SLC25A36: variants seen among roughly 807,000 people sequenced by gnomAD.
The protein encoded by SLC25A36 is solute carrier family 25 member 36, also known as epididymis secretory sperm binding protein.
Under a neutral mutation model 35.3 loss-of-function variants are expected in SLC25A36, and 24 were observed. That is an observed-to-expected ratio of 0.68 (90% CI 0.49 to 0.96). The LOEUF is 0.96. SLC25A36 is among the 40% of genes least tolerant of loss of function. The pLI is 0.00. For missense variants in SLC25A36, 294 were observed against 381.1 expected (o/e 0.77, Z 1.90); for synonymous variants, 141 against 132.2 (o/e 1.07, Z -0.46).
intron 3 of SLC25A36, among the ~76,000 whole-genome samples, chr3:140,960,419 G>A (rs903254054): frequency 3.9e-5 from 6 of 152,112 alleles, no homozygotes; most frequent in African/African-American, 1.2e-4. Context: ...CCTGCTGTGC[G>A]CTCCACCTGA....
chr3:140,950,365 G>C (rs562790376), intron 1 of SLC25A36, among the ~76,000 whole-genome samples: 1 of 149,904 alleles, frequency 6.7e-6, no homozygotes, highest in Non-Finnish European at 1.5e-5. Flanking sequence ...GTGTTCATCT[G>C]TCAGTCTTTT....
At chr3:140,958,926 A>T (rs1244772797) in intron 2 of SLC25A36, among the ~76,000 whole-genome samples, 1 of 150,060 alleles carries the variant, frequency 6.7e-6, no homozygotes, top group Non-Finnish European at 1.5e-5. Context: ...ATCAGTCTTC[A>T]ACAATTTATG....
chr3:140,952,124 C>T (rs1024626090), intron 1 of SLC25A36, among the ~76,000 whole-genome samples: 1 of 151,394 alleles, frequency 6.6e-6, no homozygotes, highest in African/African-American at 2.4e-5. Flanking sequence ...TGAAGCGATT[C>T]TACTGCCTCA....
rs573014396 is a variant in SLC25A36, at chr3:140,973,551, A to T, written c.453-165A>T. 2.4e-5 allele frequency: 13 copies of T among 544,830 alleles called. No individual in the cohort carries two copies. In the South Asian group the frequency reaches 7.5e-4, roughly 32 times the overall value. The allele number at this position is 544,830 out of a possible 1,614,324, so 33.7% of individuals were successfully genotyped here. On this transcript the variant is annotated intron_variant, in intron 5 of 6. Transcript: ENST00000324194. Reference sequence around the variant, plus strand: ...ACATATCACCCATTTAATATGACAAATTTGGGACAAAAGAATAGGAAATCT... The same window carrying T: ...ACATATCACCCATTTAATATGACAATTTTGGGACAAAAGAATAGGAAATCT...
Position 140,956,648 on chromosome 3 carries a change from A to G in SLC25A36, c.163A>G (p.Ser55Gly), listed in dbSNP as rs752311707. The change falls in exon 2 of 7, where the codon AGT (serine) becomes GGT (glycine). Residue 55 changes from serine to glycine, a missense_variant. Transcript: ENST00000324194. ...EVQLNTMAGA[S>G]VNRVVSPGPL... The stretch of plus-strand genomic sequence containing the variant: ...TCAGCTGAACACCATGGCTGGAGCC[A>G]GTGTCAACCGAGTAGTGTCTCCCGG... The G allele has an allele frequency of 1.9e-6, 3 of 1,613,988 alleles. No homozygotes were observed. Among genetic ancestry groups the G allele is most frequent in the East Asian group, 2.2e-5 (1 of 44,884 alleles).
In SLC25A36 at chr3:140,970,952, C is replaced by A; in HGVS notation, c.411C>A (p.Asn137Lys). ...MAGFTAITAT[N>K]PIWLIKTRLQ... ...GTTTTACTGCAATCACAGCAACCAA[C>A]CCCATTTGGCTTATAAAGACTCGGT... is the stretch of plus-strand genomic sequence containing the variant. The change falls in exon 5 of 7, where the codon AAC becomes AAA. Residue 137 changes from asparagine to lysine, a missense_variant. By Grantham distance (94) the Asn-to-Lys change is moderately conservative (BLOSUM62 0). Coordinates refer to ENST00000324194, the MANE Select transcript of SLC25A36 (RefSeq NM_001104647.3). 1 of 1,529,556 alleles carries A rather than the reference C, an allele frequency of 6.5e-7. No individual in the cohort carries two copies. The highest frequency in any genetic ancestry group is 9.1e-7 in the Non-Finnish European group (1 of 1,104,246). 94.7% of individuals were successfully genotyped at this position (1,529,556 alleles called of 1,614,324 possible).
intron 2 of SLC25A36, among the ~76,000 whole-genome samples, chr3:140,958,721 TA>T (rs1033328341): frequency 2.0e-5 from 3 of 152,162 alleles, no homozygotes; most frequent in African/African-American, 7.2e-5. Flanking sequence ...ACCTGAAAAC[TA>T]GGAAGGAACT....
intron 3 of SLC25A36, among the ~76,000 whole-genome samples, chr3:140,960,079 A>T (rs566250073): frequency 6.6e-6 from 1 of 152,290 alleles, no homozygotes; most frequent in Admixed American, 6.5e-5. Flanking sequence ...GAGATATAAA[A>T]TTACTAATAT....
intron 4 of SLC25A36, chr3:140,968,808 C>A: frequency 1.6e-6 from 1 of 621,168 alleles, no homozygotes; most frequent in Non-Finnish European, 2.0e-6. Context: ...ATCTTCTTTT[C>A]AAATAAGTAT....
At chr3:140,955,395 C>T (rs1934453745) in intron 1 of SLC25A36, among the ~76,000 whole-genome samples, 2 of 152,076 alleles carry the variant, frequency 1.3e-5, no homozygotes, top group African/African-American at 4.8e-5. Flanking sequence ...GCACTAAGAG[C>T]TTTTCTGAGT....
chr3:140,978,005 T>C lies in SLC25A36; in HGVS notation c.*1552T>C, dbSNP rs921281018. 2.0e-5 allele frequency: 3 copies of C among 151,952 alleles called. No homozygotes were observed. Among genetic ancestry groups the C allele is most frequent in the Admixed American group, 6.6e-5 (1 of 15,258 alleles). The allele number at this position is 151,952 out of a possible 1,614,324, so 9.4% of individuals were successfully genotyped here. A position where few individuals can be genotyped will look rare whatever the true frequency, so the allele number is the denominator to read the frequency against. On this transcript the variant is annotated 3_prime_UTR_variant, in exon 7 of 7. Transcript: ENST00000324194. The stretch of plus-strand genomic sequence containing the variant: ...ATAACATTTTTCTGGGTTTTAAATA[T>C]GTTGTTTCGGATATCCTTAATATAA...
chr3:140,961,850 C>T (rs1044067379), intron 3 of SLC25A36, among the ~76,000 whole-genome samples: 13 of 99,028 alleles, frequency 1.3e-4, no homozygotes, highest in South Asian at 3.8e-4. Context: ...AGCGAGGCTC[C>T]GTCTCAAAAA....
rs1934010303 is a variant in SLC25A36 at position 140,941,938 on chromosome 3, T to C, written c.-117T>C. ...TTTCTGCAGCCGCATCTCGGCCAGCTCTCCTCGCCGTCCCCGGGGCGCTGT... is the reference window on the plus strand; with the variant it reads ...TTTCTGCAGCCGCATCTCGGCCAGCCCTCCTCGCCGTCCCCGGGGCGCTGT... On this transcript the variant is annotated 5_prime_UTR_variant, in exon 1 of 7. Coordinates refer to ENST00000324194, the MANE Select transcript of SLC25A36 (RefSeq NM_001104647.3). The C allele has an allele frequency of 3.3e-6, 2 of 605,558 alleles. No homozygotes were observed. The highest frequency in any genetic ancestry group is 2.2e-5 in the South Asian group (1 of 45,404). 37.5% of individuals were successfully genotyped at this position (605,558 alleles called of 1,614,324 possible). A position where few individuals can be genotyped will look rare whatever the true frequency, so the allele number is the denominator to read the frequency against.
At chr3:140,974,089 C>A in intron 6 of SLC25A36, 84 bp downstream of exon 6, 2 of 905,702 alleles carry the variant, frequency 2.2e-6, no homozygotes, top group Non-Finnish European at 3.3e-6. Flanking sequence ...AATTTTACTG[C>A]ATTCTGGTAT....
chr3:140,946,965 C>T (rs957302559), intron 1 of SLC25A36, among the ~76,000 whole-genome samples: 2 of 152,058 alleles, frequency 1.3e-5, no homozygotes, highest in African/African-American at 2.4e-5. Context: ...GAAGGGACCA[C>T]GAGCTACCTA....
At chr3:140,948,964 C>T (rs947316510) in intron 1 of SLC25A36, among the ~76,000 whole-genome samples, 5 of 152,180 alleles carry the variant, frequency 3.3e-5, no homozygotes, top group Admixed American at 6.5e-5. Flanking sequence ...CTCCCATCTC[C>T]CCACCCTCAA....
intron 5 of SLC25A36, among the ~76,000 whole-genome samples, 170 bp downstream of exon 5, chr3:140,971,163 T>G (rs1295101030): frequency 6.6e-6 from 1 of 152,140 alleles, no homozygotes; most frequent in African/African-American, 2.4e-5. Context: ...TATGAACTTT[T>G]CCAGGTGAAA....
At chr3:140,944,955 A>G (rs1013927106) in intron 1 of SLC25A36, among the ~76,000 whole-genome samples, 2 of 152,202 alleles carry the variant, frequency 1.3e-5, no homozygotes, top group African/African-American at 2.4e-5. Flanking sequence ...CACTCTGACC[A>G]TATTTTTATT....
intron 1 of SLC25A36, among the ~76,000 whole-genome samples, chr3:140,951,078 A>G (rs1934311528): frequency 6.6e-6 from 1 of 152,174 alleles, no homozygotes. Context: ...GGGATTCTGC[A>G]GGGAAAAACT....
Sources: gnomAD v4.1 joint callset for allele counts (sites outside exome capture counted in the v4.1 genomes callset) on GRCh38, gnomAD v4.1.1 for gene constraint, MANE v1.5 for transcripts, NCBI Gene and HGNC (gene_info 2026-07-23, HGNC 2026-07-21) for gene names.